STS: variants seen among roughly 807,000 people sequenced by gnomAD.
STS encodes the protein steryl-sulfatase.
A neutral mutation model predicts 26.8 loss-of-function variants in STS; 7 were observed. The ratio of observed to expected loss-of-function variants is 0.26; its 90% CI spans 0.15 to 0.49. STS has a LOEUF of 0.49. STS is among the 20% of genes least tolerant of loss of function. The pLI, the probability that STS is intolerant of heterozygous loss-of-function variation, is 0.98. For synonymous variants in STS, 199 were observed against 189.4 expected (o/e 1.05, Z -0.42); for missense variants, 434 against 465.6 (o/e 0.93, Z 0.63).
At chrX:7,166,595 A>G (rs1161049579) in intron 1 of STS, among the ~76,000 whole-genome samples, 1 of 112,126 alleles carries the variant, frequency 8.9e-6, no homozygotes, top group Admixed American at 9.4e-5. Context: ...GGAACTTCCA[A>G]TTGCAAATTA....
At chrX:7,209,773 C>T (rs905650384) in intron 2 of STS, among the ~76,000 whole-genome samples, 10 of 109,432 alleles carry the variant, frequency 9.1e-5, no homozygotes, top group Non-Finnish European at 1.7e-4. Flanking sequence ...AGTTTCTTCC[C>T]GTCACCCCCA....
intron 2 of STS, among the ~76,000 whole-genome samples, chrX:7,203,935 C>G (rs760796553): frequency 8.1e-5 from 9 of 111,113 alleles, no homozygotes; most frequent in Non-Finnish European, 1.1e-4. Context: ...CAGGCGTGTT[C>G]TACCACGCCC....
intron 7 of STS, among the ~76,000 whole-genome samples, chrX:7,288,042 C>A (rs1313147905): frequency 4.6e-5 from 5 of 109,588 alleles, no homozygotes; most frequent in African/African-American, 1.7e-4. Flanking sequence ...CCCAAGGATT[C>A]TTTGGTCACT....
intron 3 of STS, 129 bp from the exon 4 acceptor site, chrX:7,257,113 C>T (rs1490502687): frequency 6.5e-6 from 6 of 926,335 alleles, no homozygotes; most frequent in East Asian, 3.3e-5. Flanking sequence ...ATTAGCCAGG[C>T]GTGGTAGTGT....
At chrX:7,218,811 CTTTT>C (rs1921418357) in intron 2 of STS, among the ~76,000 whole-genome samples, 1 of 112,008 alleles carries the variant, frequency 8.9e-6, no homozygotes, top group Non-Finnish European at 1.9e-5. Context: ...TTAGCAACCT[CTTTT>C]TTTGTTTTGT....
chrX:7,268,838 C>G (rs1164115747), intron 6 of STS, among the ~76,000 whole-genome samples: 3 of 110,022 alleles, frequency 2.7e-5, no homozygotes, highest in African/African-American at 9.9e-5. Context: ...ACAGCAAGAC[C>G]CTGTGTCTAC....
chrX:7,236,920 T>G (rs1922340741), intron 2 of STS, among the ~76,000 whole-genome samples: 1 of 109,564 alleles, frequency 9.1e-6, no homozygotes, highest in African/African-American at 3.3e-5. Flanking sequence ...CTTGATAACC[T>G]GTTTTACAAC....
At position 7,332,956 on chromosome X, in the gene STS, A is replaced by G. The variant is rs1259736454; in HGVS notation, c.1242-1030A>G. Among the ~76,000 whole-genome samples, 3 of 112,110 alleles carry G rather than the reference A, an allele frequency of 2.7e-5. 1 individual carries two copies. In the Admixed American group the frequency reaches 2.8e-4, roughly 11 times the overall value. ...GATTAATAACAAGGGTTGAGACCGG[A>G]GAAGTGCTAACAACAAGGCTATAAT... On this transcript the variant is annotated intron_variant, in intron 9 of 10. Coordinates refer to ENST00000674429, the MANE Select transcript of STS (RefSeq NM_001320752.2).
chrX:7,203,894 C>T (rs1209170385), intron 2 of STS, among the ~76,000 whole-genome samples: 3 of 111,287 alleles, frequency 2.7e-5, no homozygotes, highest in African/African-American at 6.5e-5. Flanking sequence ...AAGCAATTCT[C>T]CTGTCTCAGC....
intron 2 of STS, among the ~76,000 whole-genome samples, chrX:7,249,822 C>T (rs966841212): frequency 3.6e-5 from 4 of 110,140 alleles, no homozygotes; most frequent in Admixed American, 2.9e-4. Context: ...CTTTTCTAAC[C>T]GATACTGTAT....
intron 8 of STS, among the ~76,000 whole-genome samples, chrX:7,320,176 T>TTA (rs1179883082): frequency 7.9e-4 from 80 of 100,988 alleles, no homozygotes; most frequent in Non-Finnish European, 1.3e-3. Context: ...ATATTTTATT[T>TTA]TATATATATA....
chrX:7,198,726 A>G (rs1261575694), intron 2 of STS, among the ~76,000 whole-genome samples: 1 of 112,505 alleles, frequency 8.9e-6, no homozygotes, highest in Non-Finnish European at 1.9e-5. Context: ...TCACTGTCGT[A>G]ATTTTCTCAC....
intron 7 of STS, among the ~76,000 whole-genome samples, chrX:7,294,538 A>G (rs915064156): frequency 7.1e-5 from 8 of 112,055 alleles, no homozygotes; most frequent in Admixed American, 2.8e-4. Context: ...GACTTACAAT[A>G]GCTAAAATGC....
chrX:7,180,687 T>G (rs1933663763), intron 1 of STS, among the ~76,000 whole-genome samples: 1 of 112,127 alleles, frequency 8.9e-6, no homozygotes, highest in Non-Finnish European at 1.9e-5. Flanking sequence ...AGGTGTTAAT[T>G]TAATGAATGT....
intron 2 of STS, among the ~76,000 whole-genome samples, chrX:7,205,623 T>C (rs1238069031): frequency 9.7e-6 from 1 of 102,695 alleles, no homozygotes; most frequent in East Asian, 3.1e-4. Context: ...TCTTTCGTTT[T>C]CTTTTCTTTT....
At chrX:7,153,251 CCTT>C (rs1377754091) in intron 1 of STS, among the ~76,000 whole-genome samples, 13 of 110,520 alleles carry the variant, frequency 1.2e-4, no homozygotes, top group African/African-American at 3.9e-4. Context: ...TTTCTTTCCT[CCTT>C]CTCTCTTTCC....
chrX:7,159,663 T>C (rs1173615907), intron 1 of STS, among the ~76,000 whole-genome samples: 3 of 111,662 alleles, frequency 2.7e-5, no homozygotes, highest in Non-Finnish European at 5.6e-5. Context: ...AGGGAGTCAA[T>C]AGGTGAATAA....
chrX:7,168,833 G>T (rs1164189835), intron 1 of STS, among the ~76,000 whole-genome samples: 1 of 111,426 alleles, frequency 9.0e-6, no homozygotes, highest in Non-Finnish European at 1.9e-5. Context: ...CTCACCAACT[G>T]GGCAGTGAGG....
chrX:7,159,587 C>T (rs1372534952), intron 1 of STS, among the ~76,000 whole-genome samples: 1 of 112,361 alleles, frequency 8.9e-6, no homozygotes, highest in Non-Finnish European at 1.9e-5. Context: ...TGCTGCGCAC[C>T]ATGCAATGCA....
Sources: allele counts gnomAD v4.1 joint callset (sites outside exome capture counted in the v4.1 genomes callset), GRCh38; gene constraint gnomAD v4.1.1; transcripts MANE v1.5; gene names NCBI Gene and HGNC (gene_info 2026-07-23, HGNC 2026-07-21).